Variants in NELL1 observed in about 807,000 individuals in gnomAD.
NELL1 encodes the protein neural EGFL like 1.
In NELL1, 76 loss-of-function variants were observed where a neutral mutation model predicts 107.4. The observed-to-expected ratio is 0.71, with a 90% CI of 0.59 to 0.86. NELL1 has a LOEUF of 0.86. NELL1 is among the 40% of genes least tolerant of loss of function. NELL1 has a pLI of 0.00. For synonymous variants in NELL1, 353 were observed against 341.2 expected, an observed-to-expected ratio of 1.03 and a Z score of -0.38; for missense variants, 1,024 against 1,005.5, an observed-to-expected ratio of 1.02 and a Z score of -0.25.
intron 14 of NELL1, among the ~76,000 whole-genome samples, chr11:21,232,990 T>C (rs1858104116): frequency 6.6e-6 from 1 of 152,196 alleles, no homozygotes; most frequent in Non-Finnish European, 1.5e-5. Flanking sequence ...TAGAAAAGCT[T>C]TTCTAGGCAG....
intron 13 of NELL1, among the ~76,000 whole-genome samples, chr11:21,211,915 T>G (rs898639857): frequency 6.6e-6 from 1 of 152,154 alleles, no homozygotes; most frequent in Non-Finnish European, 1.5e-5. Context: ...AACCTCTGCC[T>G]CCTGGGTTCA....
At chr11:20,706,686 A>G (rs563017002) in intron 2 of NELL1, among the ~76,000 whole-genome samples, 2 of 152,136 alleles carry the variant, frequency 1.3e-5, no homozygotes, top group East Asian at 1.9e-4. Context: ...TAAAAAAAAA[A>G]GGAATGTTGA....
At chr11:21,153,849 C>T (rs1856173297) in intron 13 of NELL1, among the ~76,000 whole-genome samples, 1 of 152,142 alleles carries the variant, frequency 6.6e-6, no homozygotes, top group African/African-American at 2.4e-5. Context: ...CTTTCTACCA[C>T]ACTGTGCTAG....
chr11:20,813,298 C>T (rs1857544446), intron 3 of NELL1, among the ~76,000 whole-genome samples: 1 of 152,142 alleles, frequency 6.6e-6, no homozygotes, highest in Non-Finnish European at 1.5e-5. Context: ...TGGGTTTAGT[C>T]TCTGAAATCA....
chr11:21,007,751 A>G (rs1434340398), intron 12 of NELL1, among the ~76,000 whole-genome samples: 1 of 152,066 alleles, frequency 6.6e-6, no homozygotes, highest in East Asian at 1.9e-4. Flanking sequence ...ACATCCTTCC[A>G]TTCTCAAAGA....
intron 3 of NELL1, among the ~76,000 whole-genome samples, chr11:20,839,612 A>T (rs1286579005): frequency 6.6e-6 from 1 of 152,204 alleles, no homozygotes; most frequent in Non-Finnish European, 1.5e-5. Flanking sequence ...TCTCAAAAGA[A>T]ATCTGTGAAG....
chr11:20,827,163 G>T (rs1309163184), intron 3 of NELL1, among the ~76,000 whole-genome samples: 1 of 151,078 alleles, frequency 6.6e-6, no homozygotes, highest in African/African-American at 2.4e-5. Context: ...GCCAAGACAC[G>T]AACATTAATG....
intron 15 of NELL1, among the ~76,000 whole-genome samples, chr11:21,527,094 T>C (rs1005348384): frequency 6.6e-6 from 1 of 152,212 alleles, no homozygotes; most frequent in Non-Finnish European, 1.5e-5. Flanking sequence ...CTTAGAAATT[T>C]CTTCCACCAG....
intron 12 of NELL1, among the ~76,000 whole-genome samples, chr11:21,041,138 G>C (rs1164317005): frequency 6.6e-6 from 1 of 152,172 alleles, no homozygotes; most frequent in Non-Finnish European, 1.5e-5. Flanking sequence ...ACATAGTACA[G>C]TGAAGAGAAC....
intron 5 of NELL1, among the ~76,000 whole-genome samples, chr11:20,906,153 C>G (rs144760278): frequency 7.9e-5 from 12 of 152,034 alleles, no homozygotes; most frequent in African/African-American, 2.9e-4. Context: ...AGGGTCATTA[C>G]TACTGACCTT....
chr11:20,836,460 T>G (rs1848536493), intron 3 of NELL1, among the ~76,000 whole-genome samples: 1 of 152,118 alleles, frequency 6.6e-6, no homozygotes, highest in African/African-American at 2.4e-5. Flanking sequence ...ATTTACTCAG[T>G]TGATTTGAAA....
At chr11:20,699,206 G>C (rs1031147476) in intron 2 of NELL1, among the ~76,000 whole-genome samples, 2 of 151,578 alleles carry the variant, frequency 1.3e-5, no homozygotes, top group African/African-American at 4.9e-5. Flanking sequence ...AACAGAGCAA[G>C]ACTCTGTCTC....
intron 14 of NELL1, among the ~76,000 whole-genome samples, chr11:21,327,509 T>C (rs1011691719): frequency 6.6e-6 from 1 of 152,142 alleles, no homozygotes. Flanking sequence ...ATTAAACCTC[T>C]TTCCTTTATA....
chr11:20,734,874 T>C (rs1855724913), intron 2 of NELL1, among the ~76,000 whole-genome samples: 1 of 152,174 alleles, frequency 6.6e-6, no homozygotes, highest in East Asian at 1.9e-4. Context: ...CAGTGGCCCC[T>C]GGGGATTTGT....
At chr11:21,411,212 A>G (rs921611448) in intron 15 of NELL1, among the ~76,000 whole-genome samples, 3 of 152,094 alleles carry the variant, frequency 2.0e-5, no homozygotes, top group Admixed American at 2.0e-4. Context: ...AATGTCCATC[A>G]TAGAGTAGGC....
intron 14 of NELL1, among the ~76,000 whole-genome samples, chr11:21,309,154 G>T (rs1182615772): frequency 6.7e-6 from 1 of 149,296 alleles, no homozygotes; most frequent in Non-Finnish European, 1.5e-5. Flanking sequence ...TGTTATTAAG[G>T]TCACATAACA....
intron 14 of NELL1, among the ~76,000 whole-genome samples, chr11:21,316,102 T>C (rs577715049): frequency 3.9e-5 from 6 of 152,264 alleles, no homozygotes; most frequent in East Asian, 1.9e-4. Flanking sequence ...TGTTGACTTA[T>C]AGTAATATCC....
chr11:21,561,132 G>T (rs1467776931), intron 17 of NELL1, among the ~76,000 whole-genome samples: 5 of 152,022 alleles, frequency 3.3e-5, no homozygotes, highest in Admixed American at 6.6e-5. Context: ...GTCTATGTCT[G>T]TTGGGATGGG....
intron 13 of NELL1, among the ~76,000 whole-genome samples, chr11:21,191,597 A>G (rs1857051437): frequency 6.6e-6 from 1 of 151,948 alleles, no homozygotes; most frequent in South Asian, 2.1e-4. Flanking sequence ...AGCGATATTT[A>G]TGTCTTGATG....
Sources: allele counts gnomAD v4.1 joint callset (sites outside exome capture counted in the v4.1 genomes callset), GRCh38; gene constraint gnomAD v4.1.1; transcripts MANE v1.5; gene names NCBI Gene and HGNC (gene_info 2026-07-23, HGNC 2026-07-21).